The following ACSL1 variants were observed in gnomAD, a reference collection of about 807,000 sequenced individuals.
ACSL1 encodes long-chain-fatty-acid--CoA ligase 1.
Under a neutral mutation model 98.4 loss-of-function variants are expected in ACSL1, and 41 were observed. The observed-to-expected ratio is 0.42, with a 90% CI of 0.32 to 0.54. The LOEUF (loss-of-function observed/expected upper bound fraction) is 0.54, where lower values mean the gene tolerates loss of function less well. ACSL1 is among the 20% of genes least tolerant of loss of function. The pLI, the probability that ACSL1 is intolerant of heterozygous loss-of-function variation, is 0.13. For synonymous variants in ACSL1, 316 were observed against 322.7 expected (o/e 0.98, Z 0.22); for missense variants, 734 against 883.1 (o/e 0.83, Z 2.14).
chr4:184,780,486 C>G (rs1217519376), intron 4 of ACSL1, 53 bp from the exon 5 acceptor site: 2 of 1,358,926 alleles, frequency 1.5e-6, no homozygotes, highest in Non-Finnish European at 1.0e-6. Flanking sequence ...ACTCCAGAAA[C>G]AAAGCTGACC....
intron 10 of ACSL1, among the ~76,000 whole-genome samples, chr4:184,771,152 A>C (rs1321114123): frequency 6.6e-6 from 1 of 152,178 alleles, no homozygotes; most frequent in Non-Finnish European, 1.5e-5. Context: ...TTAATTATTC[A>C]AACAAAGTGG....
rs1039646838 is a variant in ACSL1, at chr4:184,758,872, A to G, written c.1783-952T>C. 2.7e-5 allele frequency: 4 copies of G among 147,500 alleles called. No individual in the cohort carries two copies. The East Asian group carries it at 8.6e-4, about 32-fold the overall frequency. 9.1% of individuals were successfully genotyped at this position (147,500 alleles called of 1,614,324 possible). A position where few individuals can be genotyped will look rare whatever the true frequency, so the allele number is the denominator to read the frequency against. On this transcript the variant is annotated intron_variant, in intron 18 of 20. Coordinates refer to ENST00000281455, the MANE Select transcript of ACSL1 (RefSeq NM_001995.5). ...GTTAACTCGTCATTTAACATTAGGT[A>G]TATCTCCTAATGCTATCCCTCCCTC...
intron 7 of ACSL1, 46 bp downstream of exon 7, chr4:184,776,438 G>A: frequency 6.3e-7 from 1 of 1,584,278 alleles, no homozygotes; most frequent in Non-Finnish European, 8.6e-7. Flanking sequence ...AGCCAACACG[G>A]CCCCAGGGAA....
intron 4 of ACSL1, among the ~76,000 whole-genome samples, chr4:184,780,835 T>C (rs1030111514): frequency 6.6e-6 from 1 of 152,176 alleles, no homozygotes; most frequent in Non-Finnish European, 1.5e-5. Flanking sequence ...ACAGCAACTT[T>C]TGAGAGACCT....
At chr4:184,795,308 A>G (rs192568401) in intron 2 of ACSL1, among the ~76,000 whole-genome samples, 3 of 152,346 alleles carry the variant, frequency 2.0e-5, no homozygotes, top group African/African-American at 7.2e-5. Context: ...ATTTTTAAAC[A>G]TAAGTAAATA....
At chr4:184,769,434 C>G (rs1764157423) in intron 11 of ACSL1, among the ~76,000 whole-genome samples, 1 of 152,296 alleles carries the variant, frequency 6.6e-6, no homozygotes, top group African/African-American at 2.4e-5. Flanking sequence ...GAAGCAGAAA[C>G]CACGAGAAAG....
At position 184,780,200 on chromosome 4, in the gene ACSL1, C is replaced by T. The variant is rs1318657799; in HGVS notation, c.477+132G>A. Reference sequence around the variant, plus strand: ...CTGGTTGAGGTTTTCATATGTGTAACTTTCTAAGGTGTAACGTAAAGCTAT... The same window carrying T: ...CTGGTTGAGGTTTTCATATGTGTAATTTTCTAAGGTGTAACGTAAAGCTAT... On this transcript the variant is annotated intron_variant, in intron 5 of 20. Coordinates refer to ENST00000281455, the MANE Select transcript of ACSL1 (RefSeq NM_001995.5). The T allele has an allele frequency of 7.5e-6, 6 of 796,086 alleles. No individual in the cohort carries two copies. In the East Asian group the frequency reaches 1.3e-4, roughly 17 times the overall value. The allele number at this position is 796,086 out of a possible 1,614,324, so 49.3% of individuals were successfully genotyped here.
chr4:184,783,756 C>G, intron 4 of ACSL1, among the ~76,000 whole-genome samples, 171 bp downstream of exon 4: 1 of 152,328 alleles, frequency 6.6e-6, no homozygotes. Flanking sequence ...TTAACTTGTT[C>G]TCCCCAAACC....
At chr4:184,819,143 T>C (rs1210472204) in intron 1 of ACSL1, among the ~76,000 whole-genome samples, 8 of 140,948 alleles carry the variant, frequency 5.7e-5, no homozygotes, top group African/African-American at 1.8e-4. Flanking sequence ...AGATGTACTT[T>C]TTTTTTTTTT....
At position 184,764,957 on chromosome 4, in the gene ACSL1, G is replaced by T. The variant is rs763104518; in HGVS notation, c.1360-32C>A. The T allele has an allele frequency of 2.7e-5, 44 of 1,604,128 alleles. No homozygotes were observed. In the South Asian group the frequency reaches 4.4e-4, roughly 16 times the overall value. On this transcript the variant is annotated intron_variant, in intron 14 of 20. Coordinates refer to ENST00000281455, the MANE Select transcript of ACSL1 (RefSeq NM_001995.5). ...CACCAAGAGATGCAACATTATTAAGGAGAGCACAATCACACCTTTACTGGA... is the reference window on the plus strand; with the variant it reads ...CACCAAGAGATGCAACATTATTAAGTAGAGCACAATCACACCTTTACTGGA...
At chr4:184,792,614 T>C (rs1355338809) in intron 2 of ACSL1, among the ~76,000 whole-genome samples, 1 of 152,110 alleles carries the variant, frequency 6.6e-6, no homozygotes, top group Non-Finnish European at 1.5e-5. Context: ...AATCTGTTTA[T>C]TATTTGTAGA....
intron 2 of ACSL1, among the ~76,000 whole-genome samples, chr4:184,791,073 G>A (rs1300001382): frequency 6.6e-6 from 1 of 152,228 alleles, no homozygotes; most frequent in Non-Finnish European, 1.5e-5. Context: ...GCCTAGACAT[G>A]CAGGTGGCCT....
chr4:184,789,870 C>T (rs201789190), intron 2 of ACSL1, among the ~76,000 whole-genome samples: 4 of 132,204 alleles, frequency 3.0e-5, no homozygotes, highest in South Asian at 2.6e-4. Context: ...GTGACTATGA[C>T]GTTAGAGCCT....
At chr4:184,822,296 C>T (rs564635456) in intron 1 of ACSL1, among the ~76,000 whole-genome samples, 1 of 152,242 alleles carries the variant, frequency 6.6e-6, no homozygotes, top group South Asian at 2.1e-4. Flanking sequence ...GAGCAGGGCC[C>T]TTACTCACCT....
Position 184,772,747 on chromosome 4 carries a change from C to T in ACSL1, c.915+334G>A, listed in dbSNP as rs564880175. ...ATAAATTATTTCCCAAATACAGGGA[C>T]GCTGGATAAAAACACAAGAGAGTCC... On this transcript the variant is annotated intron_variant, in intron 10 of 20. Transcript: ENST00000281455. Among the ~76,000 whole-genome samples, 79 of 152,302 alleles carry T rather than the reference C, an allele frequency of 5.2e-4. 1 individual carries two copies. Among genetic ancestry groups the T allele is most frequent in the South Asian group, 3.1e-3 (15 of 4,830 alleles).
At chr4:184,788,289 G>A in intron 3 of ACSL1, 2 of 400,602 alleles carry the variant, frequency 5.0e-6, no homozygotes, top group South Asian at 4.0e-5. Flanking sequence ...AAGTAAGCAT[G>A]AAAAATGCCG....
rs1406360546 is a variant in ACSL1 at position 184,766,391 on chromosome 4, G to T, written c.1263+231C>A. 6.6e-6 allele frequency among the ~76,000 whole-genome samples: 1 copy of T among 152,062 alleles called. No homozygotes were observed. Among genetic ancestry groups the T allele is most frequent in the East Asian group, 1.9e-4 (1 of 5,194 alleles). On this transcript the variant is annotated intron_variant, in intron 13 of 20. Coordinates refer to ENST00000281455, the MANE Select transcript of ACSL1 (RefSeq NM_001995.5). This position sits in a 1 kb window ranked among gnomAD's most constrained non-coding sequence, Gnocchi z 4.8. ...CGCAACAAAATGGAGAATGAGAAAG[G>T]CTCCACTACCCTGACTCCTTTTCCC... is the stretch of plus-strand genomic sequence containing the variant.
At chr4:184,778,543 G>A (rs980521542) in intron 5 of ACSL1, among the ~76,000 whole-genome samples, 66 of 152,244 alleles carry the variant, frequency 4.3e-4, no homozygotes, top group African/African-American at 1.5e-3. Context: ...GCCACCTCCA[G>A]GGAGCCCTCC....
chr4:184,825,016 C>A lies in ACSL1; in HGVS notation c.-33+900G>T, dbSNP rs1422499600. On this transcript the variant is annotated intron_variant, in intron 1 of 20. Transcript: ENST00000281455. This position sits in a 1 kb window ranked among gnomAD's most constrained non-coding sequence, Gnocchi z 4.7. Reference sequence around the variant, plus strand: ...AAATAAAAGACAGGGCAGTGAGAGTCGCGGGACTTTAGACACTCCTGCACC... The same window carrying A: ...AAATAAAAGACAGGGCAGTGAGAGTAGCGGGACTTTAGACACTCCTGCACC... 1 of 191,930 alleles carries A rather than the reference C, an allele frequency of 5.2e-6. No individual in the cohort carries two copies. Among genetic ancestry groups the A allele is most frequent in the African/African-American group, 2.4e-5 (1 of 42,120 alleles). The allele number at this position is 191,930 out of a possible 1,614,324, so 11.9% of individuals were successfully genotyped here.
Sources: allele counts gnomAD v4.1 joint callset (sites outside exome capture counted in the v4.1 genomes callset), GRCh38; gene constraint gnomAD v4.1.1; non-coding constraint Gnocchi (gnomAD v3.1); transcripts MANE v1.5; gene names NCBI Gene and HGNC (gene_info 2026-07-23, HGNC 2026-07-21).